The following PPIP5K2 variants were observed in gnomAD, a reference collection of about 807,000 sequenced individuals.
PPIP5K2 encodes the protein inositol hexakisphosphate and diphosphoinositol-pentakisphosphate kinase 2.
A neutral mutation model predicts 154.6 loss-of-function variants in PPIP5K2; 105 were observed. The ratio of observed to expected loss-of-function variants is 0.68; its 90% CI spans 0.58 to 0.80. The LOEUF is 0.80. Ranked by LOEUF, PPIP5K2 falls within the 30% of genes least tolerant of loss-of-function variation. The probability of loss-of-function intolerance (pLI) is 0.00; values close to 1 mark genes in which losing one functional copy is unlikely to be tolerated. For missense variants in PPIP5K2, 992 were observed against 1,504.6 expected (o/e 0.66, Z 5.64); for synonymous variants, 480 against 490.3 (o/e 0.98, Z 0.28).
intron 24 of PPIP5K2, among the ~76,000 whole-genome samples, chr5:103,181,288 C>A (rs1209288568): frequency 2.0e-5 from 3 of 151,986 alleles, no homozygotes; most frequent in African/African-American, 7.3e-5. Context: ...GGAAGAGGGG[C>A]CTGGCGTGGT....
intron 30 of PPIP5K2, among the ~76,000 whole-genome samples, chr5:103,199,986 A>G (rs1802724695): frequency 6.6e-6 from 1 of 152,176 alleles, no homozygotes; most frequent in Non-Finnish European, 1.5e-5. Flanking sequence ...TTCTTAGTAT[A>G]TTAATTTTGG....
rs782562834 is a variant in PPIP5K2, at chr5:103,159,346, C to A, written c.1920+18C>A. On this transcript the variant is annotated intron_variant, in intron 17 of 30. Coordinates refer to ENST00000358359, the MANE Select transcript of PPIP5K2 (RefSeq NM_001276277.3). ...ATGAAAAGGTGGGTCTTAGCAAACTCTTATATTGTGAAATATTACACACAC... is the reference window on the plus strand; with the variant it reads ...ATGAAAAGGTGGGTCTTAGCAAACTATTATATTGTGAAATATTACACACAC... The A allele has an allele frequency of 1.3e-6, 2 of 1,567,476 alleles. No individual in the cohort carries two copies. Among genetic ancestry groups the A allele is most frequent in the African/African-American group, 2.7e-5 (2 of 72,816 alleles).
rs1363093470 is a variant in PPIP5K2 at position 103,202,845 on chromosome 5, C to T, written c.*1211C>T. 3 of 152,098 alleles carry T rather than the reference C, an allele frequency of 2.0e-5. No individual in the cohort carries two copies. The East Asian group carries it at 5.8e-4, about 29-fold the overall frequency. The allele number at this position is 152,098 out of a possible 1,614,324, so 9.4% of individuals were successfully genotyped here. A position where few individuals can be genotyped will look rare whatever the true frequency, so the allele number is the denominator to read the frequency against. On this transcript the variant is annotated 3_prime_UTR_variant, in exon 31 of 31. Transcript: ENST00000358359. ...ATAACTTAAATTGCTAAAGCTTTAG[C>T]TTGAAATTTATGTTTAGAAAAACTA...
intron 5 of PPIP5K2, among the ~76,000 whole-genome samples, chr5:103,142,080 AG>A (rs1242236344): frequency 5.9e-5 from 9 of 152,132 alleles, no homozygotes; most frequent in African/African-American, 1.4e-4. Flanking sequence ...GCCGTGGAGC[AG>A]GGGGTGGTGC....
At chr5:103,192,394 A>G (rs1164214795) in intron 29 of PPIP5K2, among the ~76,000 whole-genome samples, 1 of 152,110 alleles carries the variant, frequency 6.6e-6, no homozygotes, top group African/African-American at 2.4e-5. Context: ...CTCAGAATGC[A>G]GTAGAGAACC....
intron 21 of PPIP5K2, chr5:103,176,910 G>A (rs1554221145): frequency 6.9e-7 from 1 of 1,447,594 alleles, no homozygotes; most frequent in South Asian, 1.2e-5. Context: ...TGAAGGAGAT[G>A]GTAAGATCAA....
intron 5 of PPIP5K2, among the ~76,000 whole-genome samples, chr5:103,142,547 A>G (rs1218920997): frequency 2.0e-5 from 3 of 152,204 alleles, no homozygotes; most frequent in Non-Finnish European, 4.4e-5. Context: ...CAGGCAGAGG[A>G]GGCGCCAAGA....
At chr5:103,187,483 T>C (rs1554225572) in intron 28 of PPIP5K2, 107 bp downstream of exon 28, 1 of 850,266 alleles carries the variant, frequency 1.2e-6, no homozygotes, top group Non-Finnish European at 1.8e-6. Flanking sequence ...TCTTCATCCT[T>C]AATGTCAATT....
chr5:103,178,498 T>C (rs1449425220), intron 23 of PPIP5K2, among the ~76,000 whole-genome samples: 1 of 151,822 alleles, frequency 6.6e-6, no homozygotes, highest in South Asian at 2.1e-4. Context: ...TATAGCTTTA[T>C]AATAAATATT....
rs782740875 is a variant in PPIP5K2, at chr5:103,202,620, T to A, written c.*986T>A. The A allele has an allele frequency of 1.3e-5, 2 of 152,196 alleles. No homozygotes were observed. The highest frequency in any genetic ancestry group is 2.4e-5 in the African/African-American group (1 of 41,464). The allele number at this position is 152,196 out of a possible 1,614,324, so 9.4% of individuals were successfully genotyped here. A position where few individuals can be genotyped will look rare whatever the true frequency, so the allele number is the denominator to read the frequency against. ...TTAAAGATTGAGCATTTGAAATAAATGCTCTTTATAAATGATTAGATTTTT... is the reference window on the plus strand; with the variant it reads ...TTAAAGATTGAGCATTTGAAATAAAAGCTCTTTATAAATGATTAGATTTTT... On this transcript the variant is annotated 3_prime_UTR_variant, in exon 31 of 31. Coordinates refer to ENST00000358359, the MANE Select transcript of PPIP5K2 (RefSeq NM_001276277.3).
chr5:103,210,471 A>G lies in PPIP5K2; in HGVS notation c.*8837A>G, dbSNP rs782441530. The G allele has an allele frequency of 6.6e-6, 1 of 152,120 alleles. No individual in the cohort carries two copies. Among genetic ancestry groups the G allele is most frequent in the African/African-American group, 2.4e-5 (1 of 41,438 alleles). 9.4% of individuals were successfully genotyped at this position (152,120 alleles called of 1,614,324 possible). On this transcript the variant is annotated 3_prime_UTR_variant, in exon 31 of 31. Transcript: ENST00000358359. Reference sequence around the variant, plus strand: ...AGAAAAGAGCAAAGTTGTCTGCTCTAATGGATAGAATAAGGAGCTGGGAGA... The same window carrying G: ...AGAAAAGAGCAAAGTTGTCTGCTCTGATGGATAGAATAAGGAGCTGGGAGA...
At chr5:103,155,508 C>G (rs1004522735) in intron 13 of PPIP5K2, among the ~76,000 whole-genome samples, 33 of 138,044 alleles carry the variant, frequency 2.4e-4, no homozygotes, top group African/African-American at 8.5e-4. Flanking sequence ...TCACTGCAAC[C>G]TCTCCCCCTC....
intron 29 of PPIP5K2, among the ~76,000 whole-genome samples, chr5:103,193,706 T>C (rs1554227575): frequency 6.6e-6 from 1 of 152,154 alleles, no homozygotes; most frequent in Non-Finnish European, 1.5e-5. Context: ...TTGAGCTCTT[T>C]CAGTTAAATG....
At chr5:103,180,469 T>G (rs1351109546) in intron 24 of PPIP5K2, among the ~76,000 whole-genome samples, 5 of 152,146 alleles carry the variant, frequency 3.3e-5, no homozygotes, top group African/African-American at 7.2e-5. Flanking sequence ...TTTTTTTGTC[T>G]TGTTACATTA....
At chr5:103,158,750 GTC>G (rs1795790624) in intron 16 of PPIP5K2, among the ~76,000 whole-genome samples, 177 bp downstream of exon 16, 1 of 151,940 alleles carries the variant, frequency 6.6e-6, no homozygotes, top group Admixed American at 6.6e-5. Flanking sequence ...GACGAAACCT[GTC>G]TCTGCAAAAA....
chr5:103,136,253 G>A (rs543281926), intron 3 of PPIP5K2: 72 of 155,070 alleles, frequency 4.6e-4, no homozygotes, highest in Non-Finnish European at 8.1e-4. Context: ...GATTATAGGC[G>A]TGTGCCCCCA....
At chr5:103,154,633 T>C (rs1795119522) in intron 11 of PPIP5K2, 37 bp from the exon 12 acceptor site, 3 of 1,235,890 alleles carry the variant, frequency 2.4e-6, no homozygotes, top group African/African-American at 3.0e-5. Context: ...ATGTTAATTA[T>C]TGCAAGTGAC....
chr5:103,165,109 CAT>C (rs1192453024), intron 17 of PPIP5K2, among the ~76,000 whole-genome samples: 4 of 152,076 alleles, frequency 2.6e-5, no homozygotes, highest in South Asian at 2.1e-4. Context: ...CATATTTACA[CAT>C]GTTAACAGAG....
At chr5:103,151,622 T>C (rs1029783403) in intron 9 of PPIP5K2, among the ~76,000 whole-genome samples, 4 of 151,352 alleles carry the variant, frequency 2.6e-5, no homozygotes, top group Non-Finnish European at 5.9e-5. Context: ...AACATGCTGA[T>C]TATTAGTCAA....
Sources: gnomAD v4.1 joint callset for allele counts (sites outside exome capture counted in the v4.1 genomes callset) on GRCh38, gnomAD v4.1.1 for gene constraint, MANE v1.5 for transcripts, NCBI Gene and HGNC (gene_info 2026-07-23, HGNC 2026-07-21) for gene names.